Variants in PRDM6 observed in about 807,000 individuals in gnomAD.
The protein encoded by PRDM6 is putative histone-lysine N-methyltransferase PRDM6.
A neutral mutation model predicts 60.8 loss-of-function variants in PRDM6; 25 were observed. The ratio of observed to expected loss-of-function variants is 0.41; its 90% CI spans 0.30 to 0.57. The LOEUF is 0.57. PRDM6 is among the 20% of genes least tolerant of loss of function. PRDM6 has a pLI of 0.27. For missense variants in PRDM6, 839 were observed against 821.3 expected (o/e 1.02, Z -0.26); for synonymous variants, 407 against 357.4 (o/e 1.14, Z -1.57).
chr5:123,090,286 C>A lies in PRDM6; in HGVS notation c.272C>A (p.Ser91Tyr). The change falls in exon 2 of 8, where the codon TCC (serine) becomes TAC (tyrosine). Residue 91 changes from serine to tyrosine, a missense_variant. By Grantham distance (144) the Ser-to-Tyr change is moderately radical. Transcript: ENST00000407847. ...CCGGCTTCCTCTTCCACCTCCGCCT[C>A]CTCCGCCTCCTCCTGCGCTGCTGCG... ...STPASSSTSA[S>Y]SASSCAAAAA... 2 of 1,490,764 alleles carry A rather than the reference C, an allele frequency of 1.3e-6. No individual in the cohort carries two copies. The highest frequency in any genetic ancestry group is 2.9e-5 in the African/African-American group (2 of 68,420). The allele number at this position is 1,490,764 out of a possible 1,614,324, so 92.3% of individuals were successfully genotyped here.
At chr5:123,133,871 G>C (rs1764895367) in intron 3 of PRDM6, among the ~76,000 whole-genome samples, 1 of 151,386 alleles carries the variant, frequency 6.6e-6, no homozygotes, top group Admixed American at 6.6e-5. Flanking sequence ...TCTGTAGCAT[G>C]TTAGAAAGTT....
chr5:123,104,025 A>G (rs548015123), intron 3 of PRDM6, among the ~76,000 whole-genome samples: 2 of 152,164 alleles, frequency 1.3e-5, no homozygotes, highest in East Asian at 3.9e-4. Flanking sequence ...CATTTGCACT[A>G]TGTGGAAACC....
At position 123,090,263 on chromosome 5, in the gene PRDM6, G is replaced by A; in HGVS notation, c.249G>A (p.Pro83=). 7.2e-7 allele frequency: 1 copy of A among 1,389,466 alleles called. No individual in the cohort carries two copies. Among genetic ancestry groups the A allele is most frequent in the East Asian group, 3.0e-5 (1 of 33,860 alleles). The allele number at this position is 1,389,466 out of a possible 1,614,324, so 86.1% of individuals were successfully genotyped here. Residue 83 remains proline, a synonymous_variant, in exon 2 of 8, where the codon CCG becomes CCA. Transcript: ENST00000407847. ...PASLSSASST[P]ASSSTSASSA... Reference sequence around the variant, plus strand: ...CTCTCTCCTCCGCCTCGTCCACGCCGGCTTCCTCTTCCACCTCCGCCTCCT... The same window carrying A: ...CTCTCTCCTCCGCCTCGTCCACGCCAGCTTCCTCTTCCACCTCCGCCTCCT...
At chr5:123,178,341 A>T (rs1284010696) in intron 6 of PRDM6, among the ~76,000 whole-genome samples, 1 of 152,226 alleles carries the variant, frequency 6.6e-6, no homozygotes, top group African/African-American at 2.4e-5. Flanking sequence ...AATATAGCAT[A>T]TATTAATATA....
chr5:123,160,887 G>A (rs1421340764), intron 5 of PRDM6, among the ~76,000 whole-genome samples: 1 of 152,196 alleles, frequency 6.6e-6, no homozygotes, highest in Non-Finnish European at 1.5e-5. Flanking sequence ...GAAAATCTCA[G>A]TGTTGGCCAT....
chr5:123,115,595 AAAAC>A (rs1473898747), intron 3 of PRDM6, among the ~76,000 whole-genome samples: 2 of 152,242 alleles, frequency 1.3e-5, no homozygotes, highest in Non-Finnish European at 2.9e-5. Flanking sequence ...TAAAAAGAAA[AAAAC>A]AAGAAAAACA....
chr5:123,156,146 CT>C, intron 4 of PRDM6, 135 bp downstream of exon 4: 3 of 792,776 alleles, frequency 3.8e-6, no homozygotes, highest in Non-Finnish European at 5.8e-6. Flanking sequence ...TTTTTTTTTG[CT>C]AGGTTTCTGA....
chr5:123,179,339 T>C (rs1016853299), intron 6 of PRDM6, among the ~76,000 whole-genome samples: 2 of 152,206 alleles, frequency 1.3e-5, no homozygotes, highest in Non-Finnish European at 2.9e-5. Context: ...TCTGTGCTGC[T>C]ATAAATCATG....
chr5:123,178,026 C>T (rs1159134738), intron 6 of PRDM6, among the ~76,000 whole-genome samples: 2 of 151,970 alleles, frequency 1.3e-5, no homozygotes, highest in Non-Finnish European at 2.9e-5. Context: ...TTTTAGAATC[C>T]GATTTGCCTT....
intron 3 of PRDM6, among the ~76,000 whole-genome samples, chr5:123,134,207 A>G (rs746931302): frequency 1.3e-5 from 2 of 152,166 alleles, no homozygotes; most frequent in African/African-American, 2.4e-5. Flanking sequence ...TGCTTTTCCC[A>G]GCATGATTTT....
At chr5:123,170,193 G>T (rs1019590201) in intron 5 of PRDM6, among the ~76,000 whole-genome samples, 2 of 152,042 alleles carry the variant, frequency 1.3e-5, no homozygotes, top group African/African-American at 4.8e-5. Context: ...CTCCCTTACT[G>T]CATGCGACAC....
chr5:123,180,006 A>G (rs1198772898), intron 6 of PRDM6, 141 bp from the exon 7 acceptor site: 1 of 750,014 alleles, frequency 1.3e-6, no homozygotes, highest in Non-Finnish European at 2.1e-6. Flanking sequence ...AAGTAGTGGG[A>G]ATCCAGTGGC....
At chr5:123,184,757 CCTT>C (rs1269047164) in intron 7 of PRDM6, among the ~76,000 whole-genome samples, 4 of 152,206 alleles carry the variant, frequency 2.6e-5, no homozygotes, top group South Asian at 2.1e-4. Context: ...AAACTGAAGT[CCTT>C]CTCTTATTTT....
chr5:123,095,097 C>A (rs1419566916), intron 2 of PRDM6, among the ~76,000 whole-genome samples: 1 of 152,228 alleles, frequency 6.6e-6, no homozygotes, highest in Non-Finnish European at 1.5e-5. Flanking sequence ...TCAATTGGCT[C>A]CCCTTCCGGC....
intron 5 of PRDM6, 67 bp from the exon 6 acceptor site, chr5:123,170,699 T>C: frequency 9.3e-7 from 1 of 1,074,250 alleles, no homozygotes. Context: ...TTTTTAAAAG[T>C]ATGTGTTATT....
chr5:123,126,351 G>T (rs1467165798), intron 3 of PRDM6, among the ~76,000 whole-genome samples: 1 of 151,834 alleles, frequency 6.6e-6, no homozygotes, highest in South Asian at 2.1e-4. Flanking sequence ...CAAAGGAGGT[G>T]AGTGACCGCT....
chr5:123,136,749 G>A (rs116243669), intron 3 of PRDM6, among the ~76,000 whole-genome samples: 140 of 152,284 alleles, frequency 9.2e-4, no homozygotes, highest in African/African-American at 3.4e-3. Context: ...ATGTTTCAGT[G>A]TATTTCCTCT....
At chr5:123,158,866 T>TA (rs1164295198) in intron 4 of PRDM6, among the ~76,000 whole-genome samples, 1 of 152,114 alleles carries the variant, frequency 6.6e-6, no homozygotes, top group Non-Finnish European at 1.5e-5. Context: ...AAAGCTATTA[T>TA]AAAAAATGTT....
intron 2 of PRDM6, among the ~76,000 whole-genome samples, chr5:123,095,636 T>C (rs1580473737): frequency 6.6e-6 from 1 of 152,048 alleles, no homozygotes; most frequent in African/African-American, 2.4e-5. Context: ...TTGGCGGCGG[T>C]AGGGGAGGAT....
Sources: allele counts gnomAD v4.1 joint callset (sites outside exome capture counted in the v4.1 genomes callset), GRCh38; gene constraint gnomAD v4.1.1; transcripts MANE v1.5; gene names NCBI Gene and HGNC (gene_info 2026-07-23, HGNC 2026-07-21).